The following DOCK1 variants were observed in gnomAD, a reference collection of about 807,000 sequenced individuals.
DOCK1 encodes the protein dedicator of cytokinesis protein 1.
Under a neutral mutation model 262.7 loss-of-function variants are expected in DOCK1, and 138 were observed. That is an observed-to-expected ratio of 0.53 (90% CI 0.46 to 0.61). DOCK1 has a LOEUF of 0.61. Ranked by LOEUF, DOCK1 falls within the 20% of genes least tolerant of loss-of-function variation. The pLI is 0.00. For synonymous variants in DOCK1, 866 were observed against 867.4 expected (o/e 1.00, Z 0.03); for missense variants, 1,908 against 2,370.7 (o/e 0.80, Z 4.05).
intron 33 of DOCK1, among the ~76,000 whole-genome samples, chr10:127,367,186 C>T (rs11017615): frequency 0.11 from 17,187 of 152,172 alleles, 1,247 homozygotes; most frequent in East Asian, 0.29. Flanking sequence ...TAACGTTGCC[C>T]GGAGTTTCTG....
intron 23 of DOCK1, among the ~76,000 whole-genome samples, chr10:127,095,157 G>A (rs2047832132): frequency 6.6e-6 from 1 of 152,270 alleles, no homozygotes. Context: ...CTCCAGAGCA[G>A]AGAGCAGAAG....
intron 51 of DOCK1, among the ~76,000 whole-genome samples, chr10:127,448,849 C>G (rs1299623981): frequency 7.0e-6 from 1 of 142,716 alleles, no homozygotes; most frequent in Non-Finnish European, 1.6e-5. Flanking sequence ...TCCCACGTGC[C>G]ATTTCTTTTT....
intron 30 of DOCK1, 136 bp from the exon 31 acceptor site, chr10:127,343,510 G>A: frequency 1.4e-6 from 1 of 715,786 alleles, no homozygotes; most frequent in Non-Finnish European, 2.3e-6. Flanking sequence ...TTAGCAACAT[G>A]TATAGAGTGA....
At chr10:126,930,864 T>C (rs1254096763) in intron 1 of DOCK1, among the ~76,000 whole-genome samples, 1 of 152,076 alleles carries the variant, frequency 6.6e-6, no homozygotes, top group African/African-American at 2.4e-5. Flanking sequence ...GGTTTTTGGC[T>C]ATTTGGACAT....
chr10:127,015,843 T>A (rs2041836374), intron 12 of DOCK1: 1 of 152,020 alleles, frequency 6.6e-6, no homozygotes, highest in South Asian at 2.1e-4. Flanking sequence ...CTGACTCTTG[T>A]TCCTGAGCCC....
chr10:127,161,347 CG>C (rs1400654951), intron 27 of DOCK1, among the ~76,000 whole-genome samples: 3 of 152,268 alleles, frequency 2.0e-5, no homozygotes, highest in East Asian at 3.9e-4. Flanking sequence ...TAGTCAAAGG[CG>C]GTACTGGCTT....
At chr10:127,075,378 C>T (rs1007169423) in intron 23 of DOCK1, among the ~76,000 whole-genome samples, 1 of 151,812 alleles carries the variant, frequency 6.6e-6, no homozygotes, top group Non-Finnish European at 1.5e-5. Context: ...CTCAAGTGAC[C>T]CTTCCGCCTC....
intron 29 of DOCK1, among the ~76,000 whole-genome samples, chr10:127,329,386 C>T (rs140854637): frequency 0.01 from 1,526 of 151,948 alleles, 12 homozygotes; most frequent in Non-Finnish European, 0.016. Flanking sequence ...GGTGCTGAGG[C>T]GGAGGTCTCT....
intron 3 of DOCK1, among the ~76,000 whole-genome samples, chr10:126,981,035 C>T (rs1006554793): frequency 9.2e-5 from 14 of 151,680 alleles, no homozygotes; most frequent in Non-Finnish European, 1.5e-4. Context: ...GCAACCTCCA[C>T]TTCCCGGGTT....
chr10:127,018,429 G>A (rs1450457930), intron 12 of DOCK1, among the ~76,000 whole-genome samples: 1 of 152,156 alleles, frequency 6.6e-6, no homozygotes, highest in Non-Finnish European at 1.5e-5. Context: ...TTGGTCCTTG[G>A]CATTCCTCAG....
intron 27 of DOCK1, chr10:127,153,838 G>A: frequency 6.3e-7 from 1 of 1,589,946 alleles, no homozygotes; most frequent in Non-Finnish European, 8.6e-7. Flanking sequence ...GGGAAGAGGA[G>A]AATGTTAACA....
chr10:127,416,395 C>T (rs1055057496), intron 44 of DOCK1, among the ~76,000 whole-genome samples: 2 of 152,190 alleles, frequency 1.3e-5, no homozygotes, highest in African/African-American at 2.4e-5. Context: ...CTAAACAGGC[C>T]GTGATCCTCT....
At chr10:126,907,366 C>G (rs1174146110) in intron 1 of DOCK1, among the ~76,000 whole-genome samples, 2 of 152,072 alleles carry the variant, frequency 1.3e-5, no homozygotes, top group African/African-American at 4.8e-5. Context: ...TGCCCATGGC[C>G]AGGGTGCAGT....
At chr10:127,092,489 G>A (rs1398131508) in intron 23 of DOCK1, among the ~76,000 whole-genome samples, 1 of 152,190 alleles carries the variant, frequency 6.6e-6, no homozygotes, top group Non-Finnish European at 1.5e-5. Context: ...ACACTGGGAG[G>A]AAAAGTTGAG....
intron 27 of DOCK1, among the ~76,000 whole-genome samples, chr10:127,162,979 G>A (rs2053720125): frequency 6.6e-6 from 1 of 152,206 alleles, no homozygotes; most frequent in Non-Finnish European, 1.5e-5. Flanking sequence ...CTCCTTCCAT[G>A]GGACTGTTCT....
chr10:127,408,689 C>A (rs1035458727), intron 40 of DOCK1, among the ~76,000 whole-genome samples: 9 of 152,330 alleles, frequency 5.9e-5, no homozygotes, highest in African/African-American at 1.7e-4. Flanking sequence ...GCCTTGCCCC[C>A]TTCTAACCAT....
In DOCK1 at chr10:127,437,932, T is replaced by C. The variant is rs1288811158; in HGVS notation, c.5061-1095T>C. On this transcript the variant is annotated intron_variant, in intron 48 of 51. Transcript: ENST00000623213. The surrounding 1 kb of genome is among the most constrained non-coding windows in gnomAD (Gnocchi z 4.4). ...GCTCCCCTTGAAGAAGCCAATTGCTTCTCCAGGCGGTCAAGGAAGTCAGGT... is the reference window on the plus strand; with the variant it reads ...GCTCCCCTTGAAGAAGCCAATTGCTCCTCCAGGCGGTCAAGGAAGTCAGGT... Among the ~76,000 whole-genome samples, 1 of 152,226 alleles carries C rather than the reference T, an allele frequency of 6.6e-6. No individual in the cohort carries two copies.
intron 23 of DOCK1, among the ~76,000 whole-genome samples, chr10:127,075,857 G>A (rs1329337586): frequency 6.6e-6 from 1 of 152,140 alleles, no homozygotes; most frequent in Non-Finnish European, 1.5e-5. Flanking sequence ...ACTCCATGTT[G>A]CCCAGGCTGA....
chr10:127,378,474 T>A (rs1273479636), intron 35 of DOCK1, among the ~76,000 whole-genome samples: 1 of 152,090 alleles, frequency 6.6e-6, no homozygotes, highest in Non-Finnish European at 1.5e-5. Context: ...CGTGAACCTT[T>A]ACGTAAGAAA....
Sources: allele counts gnomAD v4.1 joint callset (sites outside exome capture counted in the v4.1 genomes callset), GRCh38; gene constraint gnomAD v4.1.1; non-coding constraint Gnocchi (gnomAD v3.1); transcripts MANE v1.5; gene names NCBI Gene and HGNC (gene_info 2026-07-23, HGNC 2026-07-21).